DST: variants seen among roughly 807,000 people sequenced by gnomAD.
DST encodes bullous pemphigoid antigen.
In DST, 253 loss-of-function variants were observed where a neutral mutation model predicts 875.2. The observed-to-expected ratio is 0.29, with a 90% CI of 0.26 to 0.32. The LOEUF is 0.32. DST is among the 10% of genes least tolerant of loss of function. The pLI, the probability that DST is intolerant of heterozygous loss-of-function variation, is 1.00. For synonymous variants in DST, 3,124 were observed against 3,197.1 expected, an observed-to-expected ratio of 0.98 and a Z score of 0.77; for missense variants, 8,287 against 9,111.6, an observed-to-expected ratio of 0.91 and a Z score of 3.68.
At chr6:56,545,164 G>A (rs989219745) in intron 61 of DST, among the ~76,000 whole-genome samples, 2 of 151,604 alleles carry the variant, frequency 1.3e-5, no homozygotes, top group African/African-American at 2.4e-5. Flanking sequence ...CACTACACCT[G>A]GCTAATTTTA....
At chr6:56,473,274 T>C (rs940112900) in intron 93 of DST, among the ~76,000 whole-genome samples, 2 of 152,244 alleles carry the variant, frequency 1.3e-5, no homozygotes, top group African/African-American at 4.8e-5. Context: ...CATTTCTTTT[T>C]AATTAAAAAA....
chr6:56,836,708 G>A (rs943686846), intron 4 of DST, among the ~76,000 whole-genome samples: 4 of 151,316 alleles, frequency 2.6e-5, no homozygotes, highest in African/African-American at 4.9e-5. Flanking sequence ...AAAATTAGCC[G>A]GGCGTGATGG....
At chr6:56,719,271 T>C (rs1033934722) in intron 5 of DST, among the ~76,000 whole-genome samples, 3 of 152,232 alleles carry the variant, frequency 2.0e-5, no homozygotes, top group African/African-American at 7.2e-5. Flanking sequence ...TTTGTATTTA[T>C]TGAAAAATAG....
At chr6:56,932,923 T>TA (rs1261874753) in intron 2 of DST, among the ~76,000 whole-genome samples, 1 of 149,224 alleles carries the variant, frequency 6.7e-6, no homozygotes, top group Non-Finnish European at 1.5e-5. Flanking sequence ...AGCAAGAAGG[T>TA]AATAGTAGCT....
intron 4 of DST, among the ~76,000 whole-genome samples, chr6:56,754,977 C>A (rs2099597986): frequency 6.6e-6 from 1 of 152,050 alleles, no homozygotes; most frequent in African/African-American, 2.4e-5. Context: ...CCTTCTATTT[C>A]ACTAGCTTAT....
At chr6:56,791,380 A>C (rs1037554891) in intron 4 of DST, among the ~76,000 whole-genome samples, 1 of 152,208 alleles carries the variant, frequency 6.6e-6, no homozygotes, top group Non-Finnish European at 1.5e-5. Flanking sequence ...GTTGTGAACC[A>C]GAGTTCTCAC....
intron 36 of DST, chr6:56,616,596 C>G: frequency 5.0e-6 from 8 of 1,614,106 alleles, no homozygotes; most frequent in Non-Finnish European, 5.9e-6. Context: ...TTAGGGAAAA[C>G]TCTTGTGTTG....
chr6:56,918,881 G>A (rs1592481459), intron 2 of DST, among the ~76,000 whole-genome samples: 2 of 152,182 alleles, frequency 1.3e-5, no homozygotes, highest in East Asian at 3.9e-4. Flanking sequence ...GTGACGGAGT[G>A]AGTTTGAATT....
intron 2 of DST, among the ~76,000 whole-genome samples, chr6:56,938,558 T>C (rs1055573882): frequency 2.6e-5 from 4 of 152,206 alleles, no homozygotes; most frequent in East Asian, 1.9e-4. Context: ...ACTTTAGGGA[T>C]AGCAGACAGT....
chr6:56,648,542 C>A (rs144743831), intron 13 of DST, 28 bp downstream of exon 13: 3 of 1,540,260 alleles, frequency 1.9e-6, no homozygotes, highest in African/African-American at 2.7e-5. Context: ...TTGAATCAAT[C>A]CTATGTAATT....
rs114371806 is a variant in DST at position 56,480,174 on chromosome 6, C to T, written c.21531+1876G>A. Among the ~76,000 whole-genome samples, 253 of 152,208 alleles carry T rather than the reference C, an allele frequency of 1.7e-3. 1 individual carries two copies. Among genetic ancestry groups the T allele is most frequent in the African/African-American group, 5.9e-3 (246 of 41,542 alleles). ...TACAAGTTTACTATAATGGAGTCAACGTTCAATTGACAGCACACTCTGATA... is the reference window on the plus strand; with the variant it reads ...TACAAGTTTACTATAATGGAGTCAATGTTCAATTGACAGCACACTCTGATA... On this transcript the variant is annotated intron_variant, in intron 90 of 103. Coordinates refer to ENST00000680361, the MANE Select transcript of DST (RefSeq NM_001374736.1).
At chr6:56,902,336 G>C (rs983651107) in intron 2 of DST, among the ~76,000 whole-genome samples, 4 of 152,178 alleles carry the variant, frequency 2.6e-5, no homozygotes, top group Admixed American at 2.6e-4. Flanking sequence ...CATAAAAAAT[G>C]AGGAGTAAGA....
chr6:56,766,710 T>C (rs1048804103), intron 4 of DST, among the ~76,000 whole-genome samples: 3 of 152,104 alleles, frequency 2.0e-5, no homozygotes, highest in Non-Finnish European at 4.4e-5. Flanking sequence ...TTTGCACTTT[T>C]AGTAGAGTCG....
chr6:56,797,209 A>C (rs183448955), intron 4 of DST, among the ~76,000 whole-genome samples: 110 of 152,166 alleles, frequency 7.2e-4, no homozygotes, highest in Non-Finnish European at 1.2e-3. Context: ...CCACAACCAT[A>C]TAAGACAGTA....
At chr6:56,641,011 AT>A (rs2098893142) in intron 17 of DST, among the ~76,000 whole-genome samples, 1 of 152,050 alleles carries the variant, frequency 6.6e-6, no homozygotes, top group African/African-American at 2.4e-5. Context: ...TCATTTTTAC[AT>A]TTATGTATAT....
intron 2 of DST, among the ~76,000 whole-genome samples, chr6:56,902,452 G>A (rs1350615296): frequency 2.6e-5 from 4 of 152,162 alleles, no homozygotes; most frequent in Non-Finnish European, 5.9e-5. Context: ...CCGGAAGATG[G>A]GCTACTGTCC....
In DST at chr6:56,619,271, A is replaced by T. The variant is rs780422336; in HGVS notation, c.4930-4787T>A. On this transcript the variant is annotated intron_variant, in intron 36 of 103. Transcript: ENST00000680361. ...TTCTGCCTGAATTCTCTGCATCATT[A>T]ATTTGGTTTCATTATTCTGCCTAGT... The T allele has an allele frequency of 3.7e-6, 6 of 1,612,940 alleles. No individual in the cohort carries two copies. Among genetic ancestry groups the T allele is most frequent in the Non-Finnish European group, 5.1e-6 (6 of 1,179,760 alleles).
At chr6:56,692,574 T>G in intron 9 of DST, 2 of 1,289,810 alleles carry the variant, frequency 1.6e-6, no homozygotes, top group Non-Finnish European at 2.0e-6. Flanking sequence ...GTGATCTTTC[T>G]ATACCCGAGG....
chr6:56,511,936 C>T (rs932442597), intron 72 of DST, among the ~76,000 whole-genome samples: 4 of 152,002 alleles, frequency 2.6e-5, no homozygotes, highest in African/African-American at 9.7e-5. Context: ...TGAGACAAAA[C>T]CTCAAGATAA....
Sources: allele counts gnomAD v4.1 joint callset (sites outside exome capture counted in the v4.1 genomes callset), GRCh38; gene constraint gnomAD v4.1.1; transcripts MANE v1.5; gene names NCBI Gene and HGNC (gene_info 2026-07-23, HGNC 2026-07-21).